The following ABCA4 variants were observed in gnomAD, a reference collection of about 807,000 sequenced individuals.
ABCA4 encodes retinal-specific phospholipid-transporting ATPase ABCA4.
Under a neutral mutation model 263.7 loss-of-function variants are expected in ABCA4, and 196 were observed. The ratio of observed to expected loss-of-function variants is 0.74; its 90% confidence interval spans 0.66 to 0.84. The LOEUF is 0.84. ABCA4 is among the 40% of genes least tolerant of loss of function. The probability of loss-of-function intolerance (pLI) is 0.00; values close to 1 mark genes in which losing one functional copy is unlikely to be tolerated. For missense variants in ABCA4, 2,792 were observed against 2,855.1 expected (o/e 0.98, Z 0.50); for synonymous variants, 1,133 against 1,094.2 (o/e 1.04, Z -0.70).
intron 44 of ABCA4, 115 bp from the exon 45 acceptor site, chr1:94,002,107 G>A: frequency 1.4e-6 from 2 of 1,477,078 alleles, no homozygotes; most frequent in Non-Finnish European, 1.9e-6. Flanking sequence ...TCCCCAGCTA[G>A]GCTGAAACAG....
intron 11 of ABCA4, among the ~76,000 whole-genome samples, chr1:94,066,182 C>T (rs1363994960): frequency 1.3e-5 from 2 of 152,190 alleles, no homozygotes; most frequent in African/African-American, 2.4e-5. Flanking sequence ...TGACCATGGG[C>T]CTGACACCCA....
At chr1:94,010,615 A>T in intron 40 of ABCA4, 185 bp downstream of exon 40, 1 of 803,850 alleles carries the variant, frequency 1.2e-6, no homozygotes, top group Non-Finnish European at 2.1e-6. Flanking sequence ...TGCTCTTCAC[A>T]TATTTGAATG....
intron 48 of ABCA4, among the ~76,000 whole-genome samples, chr1:93,997,418 T>C (rs113158092): frequency 2.2e-4 from 33 of 149,924 alleles, no homozygotes; most frequent in African/African-American, 7.7e-4. Flanking sequence ...CCACCACGCC[T>C]GGCTAATTTT....
intron 1 of ABCA4, 95 bp downstream of exon 1, chr1:94,120,885 C>T (rs1662928322): frequency 5.0e-6 from 3 of 597,402 alleles, no homozygotes; most frequent in Non-Finnish European, 9.3e-6. Context: ...ACCCCCCACC[C>T]TGCCCCACCA....
Position 94,044,625 on chromosome 1 carries a change from A to T in ABCA4, c.3038T>A (p.Ile1013Asn). The part of the protein sequence containing the change: ...QSLGMCPQHN[I>N]LFHHLTVAEH... ...CTGTGTCGCTTACTGGTGGAACAGG[A>T]TGTTGTGCTGTGGACACATGCCAAG... is the stretch of plus-strand genomic sequence containing the variant. Residue 1013 changes from isoleucine (I) to asparagine (N), a missense_variant, in exon 20 of 50, where the codon ATC becomes AAC. Ile to Asn is a moderately radical substitution (Grantham distance 149). Coordinates refer to ENST00000370225, the MANE Select transcript of ABCA4 (RefSeq NM_000350.3). 6.2e-7 allele frequency: 1 copy of T among 1,614,146 alleles called. No individual in the cohort carries two copies.
At chr1:94,034,895 C>T (rs1219543461) in intron 26 of ABCA4, among the ~76,000 whole-genome samples, 2 of 152,176 alleles carry the variant, frequency 1.3e-5, no homozygotes, top group African/African-American at 2.4e-5. Context: ...TGTTATAAGT[C>T]GGCAAGCATT....
rs767782886 is a variant in ABCA4 at position 94,060,706 on chromosome 1, A to T, written c.1991T>A (p.Ile664Asn). Reference sequence around the variant, plus strand: ...CTTCACAGTCATGGAGACAGAGTAGATCCATGCCAGCACCATGAAGATAGG... The same window carrying T: ...CTTCACAGTCATGGAGACAGAGTAGTTCCATGCCAGCACCATGAAGATAGG... ...CFPIFMVLAWIYSVSMTVKSI... is the reference protein window; with the variant it reads ...CFPIFMVLAWNYSVSMTVKSI... Residue 664 changes from isoleucine to asparagine, a missense_variant, in exon 14 of 50, where the codon ATC (isoleucine) becomes AAC (asparagine). Physicochemically the swap from Ile to Asn is moderately radical, Grantham distance 149. Coordinates refer to ENST00000370225, the MANE Select transcript of ABCA4 (RefSeq NM_000350.3). 1 of 1,614,114 alleles carries T rather than the reference A, an allele frequency of 6.2e-7. No individual in the cohort carries two copies. Among genetic ancestry groups the T allele is most frequent in the Admixed American group, 1.7e-5 (1 of 60,022 alleles).
chr1:94,116,918 T>C (rs1456442568), intron 1 of ABCA4, among the ~76,000 whole-genome samples: 1 of 151,654 alleles, frequency 6.6e-6, no homozygotes, highest in Non-Finnish European at 1.5e-5. Context: ...CTTTTTTTCT[T>C]TTTCTTTTCT....
intron 1 of ABCA4, among the ~76,000 whole-genome samples, chr1:94,119,937 A>T (rs1282293104): frequency 6.6e-6 from 1 of 151,954 alleles, no homozygotes; most frequent in African/African-American, 2.4e-5. Flanking sequence ...TGATCTCTCC[A>T]GTGGCTTGCA....
intron 1 of ABCA4, among the ~76,000 whole-genome samples, chr1:94,116,944 C>T (rs1662781508): frequency 7.0e-6 from 1 of 142,176 alleles, no homozygotes; most frequent in Non-Finnish European, 1.5e-5. Flanking sequence ...TTTCCCCTTC[C>T]CTCCCTCCCT....
rs781126638 is a variant in ABCA4, at chr1:94,019,620, G to A, written c.5158C>T (p.Pro1720Ser). ...AAGTTGGTCACCCAGTAGGTGGTGG[G>A]GCTCACTCCACTGATAAACTGGAGG... ...KHLQFISGVS[P>S]TTYWVTNFLW... Residue 1720 changes from proline to serine, a missense_variant, in exon 36 of 50, where the codon CCC becomes TCC. Pro to Ser is a moderately conservative substitution (Grantham distance 74). Transcript: ENST00000370225. 6.2e-6 allele frequency: 10 copies of A among 1,610,980 alleles called. No individual in the cohort carries two copies. Among genetic ancestry groups the A allele is most frequent in the Admixed American group, 1.7e-5 (1 of 59,622 alleles).
At position 94,075,261 on chromosome 1, in the gene ABCA4, C is replaced by T. The variant is rs1465988007; in HGVS notation, c.1554+2429G>A. Reference sequence around the variant, plus strand: ...TGGGTTGACAAGTGCAGCAAACCACCATGGCACACATATACCTATGTAACA... The same window carrying T: ...TGGGTTGACAAGTGCAGCAAACCACTATGGCACACATATACCTATGTAACA... On this transcript the variant is annotated intron_variant, in intron 11 of 49. Transcript: ENST00000370225. Among the ~76,000 whole-genome samples, 3 of 152,098 alleles carry T rather than the reference C, an allele frequency of 2.0e-5. No individual in the cohort carries two copies. The East Asian group carries it at 5.8e-4, about 29-fold the overall frequency.
chr1:94,046,012 C>T (rs1324171897), intron 19 of ABCA4: 7 of 451,462 alleles, frequency 1.6e-5, no homozygotes, highest in Non-Finnish European at 2.7e-5. Flanking sequence ...CCCTGACCTT[C>T]TGTTACCAGG....
In ABCA4 at chr1:94,037,605, G is replaced by A. The variant is rs149192764; in HGVS notation, c.3608-255C>T. On this transcript the variant is annotated intron_variant, in intron 24 of 49. Coordinates refer to ENST00000370225, the MANE Select transcript of ABCA4 (RefSeq NM_000350.3). ...TAGCTAGCTGTGCAACCTGGGGGCG[G>A]AGGTTGGTGGGGGGGTCATGCAACT... Among the ~76,000 whole-genome samples, 155 of 152,122 alleles carry A rather than the reference G, an allele frequency of 1.0e-3. 2 individuals carry two copies. Among genetic ancestry groups the A allele is most frequent in the African/African-American group, 3.4e-3 (143 of 41,496 alleles).
intron 11 of ABCA4, among the ~76,000 whole-genome samples, chr1:94,069,888 G>A (rs1661361073): frequency 6.6e-6 from 1 of 152,138 alleles, no homozygotes; most frequent in Non-Finnish European, 1.5e-5. Flanking sequence ...ATGCACAGCT[G>A]TTAAAAAATG....
At chr1:94,086,041 C>T (rs577063033) in intron 6 of ABCA4, among the ~76,000 whole-genome samples, 7 of 152,268 alleles carry the variant, frequency 4.6e-5, no homozygotes, top group Middle Eastern at 3.4e-3. Context: ...GTTTACTTGT[C>T]ATCTATCTCC....
intron 12 of ABCA4, 152 bp downstream of exon 12, chr1:94,062,960 G>A (rs1661172471): frequency 9.9e-7 from 1 of 1,010,840 alleles, no homozygotes; most frequent in Non-Finnish European, 1.5e-6. Flanking sequence ...TTCATTCAAG[G>A]ACTCTTTGTT....
At chr1:94,065,818 G>A (rs1037864798) in intron 11 of ABCA4, among the ~76,000 whole-genome samples, 1 of 152,168 alleles carries the variant, frequency 6.6e-6, no homozygotes. Context: ...ATTTCTTTGG[G>A]CCCAGGCTTC....
rs1323352616 is a variant in ABCA4 at position 94,019,570 on chromosome 1, A to G, written c.5196+12T>C. The G allele has an allele frequency of 2.5e-6, 4 of 1,595,616 alleles. No individual in the cohort carries two copies. Among genetic ancestry groups the G allele is most frequent in the African/African-American group, 1.3e-5 (1 of 74,538 alleles). ...CACGGAGGGGAGGGAGGCGCTGTAA[A>G]CTGACACTTACGATGTCCCAGAGGA... On this transcript the variant is annotated intron_variant, in intron 36 of 49. Coordinates refer to ENST00000370225, the MANE Select transcript of ABCA4 (RefSeq NM_000350.3).
Sources: allele counts gnomAD v4.1 joint callset (sites outside exome capture counted in the v4.1 genomes callset), GRCh38; gene constraint gnomAD v4.1.1; transcripts MANE v1.5; gene names NCBI Gene and HGNC (gene_info 2026-07-23, HGNC 2026-07-21).